The following CUX1 variants were observed in gnomAD, a reference collection of about 807,000 sequenced individuals.
CUX1 encodes protein CASP.
CUX1 carries 31 observed loss-of-function variants against 158.8 expected under a neutral mutation model. The ratio of observed to expected loss-of-function variants is 0.20; its 90% CI spans 0.15 to 0.26. The LOEUF is 0.26. Among genes scored for constraint, CUX1 ranks in the 10% least tolerant of loss-of-function variants. CUX1 has a pLI of 1.00. For synonymous variants in CUX1, 879 were observed against 862.1 expected (o/e 1.02, Z -0.34); for missense variants, 1,589 against 2,014.6 (o/e 0.79, Z 4.04).
At chr7:102,079,309 G>A (rs1271417138) in intron 4 of CUX1, among the ~76,000 whole-genome samples, 1 of 152,000 alleles carries the variant, frequency 6.6e-6, no homozygotes, top group East Asian at 1.9e-4. Context: ...ATGGTGGCGT[G>A]CACCTATAAT....
intron 11 of CUX1, among the ~76,000 whole-genome samples, chr7:102,189,589 A>G (rs1794059166): frequency 6.6e-6 from 1 of 151,380 alleles, no homozygotes; most frequent in African/African-American, 2.4e-5. Context: ...GTACGTTACA[A>G]CCTTACAGCA....
chr7:102,110,690 G>C (rs1013633582), intron 6 of CUX1, among the ~76,000 whole-genome samples: 3 of 152,048 alleles, frequency 2.0e-5, no homozygotes, highest in Non-Finnish European at 4.4e-5. Flanking sequence ...TTATGTGTTT[G>C]CTTATATTAC....
chr7:101,848,912 ATTT>A (rs11364752), intron 1 of CUX1, among the ~76,000 whole-genome samples: 6 of 146,440 alleles, frequency 4.1e-5, no homozygotes, highest in Admixed American at 1.4e-4. Flanking sequence ...TTGCAAGGCA[ATTT>A]TTTTTTTTTT....
chr7:102,282,936 C>T (rs803070), intron 22 of CUX1: 258,375 of 889,708 alleles, frequency 0.29, 44,689 homozygotes, highest in East Asian at 0.51. Flanking sequence ...ATCCACTACC[C>T]CCTAGCCCCA....
chr7:102,224,177 G>A (rs979977719), intron 20 of CUX1, among the ~76,000 whole-genome samples: 1 of 152,150 alleles, frequency 6.6e-6, no homozygotes, highest in Non-Finnish European at 1.5e-5. Context: ...GGAAGAGCAT[G>A]CAGCTTCCAG....
chr7:102,148,985 G>A (rs1835322289), intron 8 of CUX1, among the ~76,000 whole-genome samples: 1 of 152,174 alleles, frequency 6.6e-6, no homozygotes, highest in African/African-American at 2.4e-5. Context: ...CATGCAGGTT[G>A]TTGTGAATGT....
chr7:101,850,421 C>CTTTTTTTTTTTTTTTTT (rs545679696), intron 1 of CUX1, among the ~76,000 whole-genome samples: 3 of 104,656 alleles, frequency 2.9e-5, no homozygotes, highest in Non-Finnish European at 5.6e-5. Context: ...TTCTTTCTTT[C>CTTTTTTTTTTTTTTTTT]TTTTTTTTTT....
At chr7:102,235,642 C>T (rs755248785) in intron 22 of CUX1, among the ~76,000 whole-genome samples, 24 of 149,370 alleles carry the variant, frequency 1.6e-4, no homozygotes, top group Middle Eastern at 3.4e-3. Context: ...GAGGAGGTTG[C>T]AGTGAGCAGA....
At chr7:102,026,672 T>C (rs1820060778) in intron 2 of CUX1, among the ~76,000 whole-genome samples, 1 of 151,684 alleles carries the variant, frequency 6.6e-6, no homozygotes, top group African/African-American at 2.4e-5. Flanking sequence ...ATACAAAAAT[T>C]AGCCAGGCAT....
intron 2 of CUX1, among the ~76,000 whole-genome samples, chr7:101,944,112 G>A (rs740302): frequency 0.47 from 70,958 of 151,860 alleles, 17,722 homozygotes; most frequent in Middle Eastern, 0.59. Flanking sequence ...CAGGCCTTGA[G>A]AGCAGGTAAT....
chr7:102,239,677 G>A (rs1799964866), intron 23 of CUX1, 93 bp downstream of exon 23: 12 of 1,454,810 alleles, frequency 8.2e-6, no homozygotes, highest in Non-Finnish European at 1.0e-5. Flanking sequence ...GTGAGGCTGG[G>A]GCCGGAGGTG....
chr7:102,037,242 C>T (rs942240221), intron 3 of CUX1, among the ~76,000 whole-genome samples: 1 of 152,128 alleles, frequency 6.6e-6, no homozygotes, highest in Non-Finnish European at 1.5e-5. Context: ...TACCTTACAC[C>T]GTGTGGAAAC....
intron 1 of CUX1, among the ~76,000 whole-genome samples, chr7:101,864,519 T>G (rs749466284): frequency 2.0e-5 from 3 of 151,846 alleles, no homozygotes; most frequent in Non-Finnish European, 4.4e-5. Context: ...GGTATCTCAT[T>G]GTGGTTTTGA....
intron 2 of CUX1, among the ~76,000 whole-genome samples, chr7:102,018,082 G>C (rs151021687): frequency 4.9e-4 from 75 of 152,086 alleles, no homozygotes; most frequent in Middle Eastern, 6.8e-3. Flanking sequence ...TCACCCTTCC[G>C]AGTAGCTCGC....
At chr7:101,952,737 C>T (rs184665800) in intron 2 of CUX1, among the ~76,000 whole-genome samples, 5 of 152,308 alleles carry the variant, frequency 3.3e-5, no homozygotes, top group African/African-American at 7.2e-5. Context: ...TCCCCCACTG[C>T]GCCATGCTGG....
At chr7:101,895,891 G>GTTTTTTTTTTTTTTTTT in intron 1 of CUX1, among the ~76,000 whole-genome samples, 1 of 112,716 alleles carries the variant, frequency 8.9e-6, no homozygotes, top group Non-Finnish European at 1.7e-5. Flanking sequence ...CACCTGTAAA[G>GTTTTTTTTTTTTTTTTT]TTTTTTTTTT....
intron 2 of CUX1, among the ~76,000 whole-genome samples, chr7:102,016,348 C>T (rs1483152401): frequency 6.6e-6 from 1 of 152,218 alleles, no homozygotes; most frequent in Admixed American, 6.5e-5. Flanking sequence ...CATGTCTCAC[C>T]TGCCACACAA....
intron 12 of CUX1, 29 bp from the exon 13 acceptor site, chr7:102,193,813 A>G: frequency 6.2e-7 from 1 of 1,610,480 alleles, no homozygotes; most frequent in Non-Finnish European, 8.5e-7. Flanking sequence ...AAAAATAAAT[A>G]AAATAACCCC....
intron 2 of CUX1, among the ~76,000 whole-genome samples, chr7:102,005,348 T>C (rs957784746): frequency 6.6e-6 from 1 of 152,190 alleles, no homozygotes; most frequent in African/African-American, 2.4e-5. Context: ...TGTTTTGTTT[T>C]GTTGAGACAG....
Sources: gnomAD v4.1 joint callset for allele counts (sites outside exome capture counted in the v4.1 genomes callset) on GRCh38, gnomAD v4.1.1 for gene constraint, MANE v1.5 for transcripts, NCBI Gene and HGNC (gene_info 2026-07-23, HGNC 2026-07-21) for gene names.